Variants in PCDHGC4 observed in about 807,000 individuals in gnomAD.
The protein encoded by PCDHGC4 is protocadherin gamma-C4.
Under a neutral mutation model 59.7 loss-of-function variants are expected in PCDHGC4, and 15 were observed. That is an observed-to-expected ratio of 0.25 (90% CI 0.17 to 0.39). The LOEUF (loss-of-function observed/expected upper bound fraction) is 0.39. PCDHGC4 is among the 10% of genes least tolerant of loss of function. The pLI is 1.00. For missense variants in PCDHGC4, 1,016 were observed against 1,189.5 expected, an observed-to-expected ratio of 0.85 and a Z score of 2.15; for synonymous variants, 434 against 481.4, an observed-to-expected ratio of 0.90 and a Z score of 1.29.
intron 1 of PCDHGC4, chr5:141,492,023 C>T: frequency 1.8e-6 from 1 of 564,804 alleles, no homozygotes; most frequent in Non-Finnish European, 3.0e-6. Context: ...TCGGGGGTCC[C>T]GGGAGGAGGC....
In PCDHGC4 at chr5:141,489,183, G is replaced by A. The variant is rs2099683673; in HGVS notation, c.2442+1568G>A. 7.9e-7 allele frequency: 1 copy of A among 1,270,400 alleles called. No individual in the cohort carries two copies. Among genetic ancestry groups the A allele is most frequent in the Non-Finnish European group, 1.1e-6 (1 of 913,958 alleles). The allele number at this position is 1,270,400 out of a possible 1,614,324, so 78.7% of individuals were successfully genotyped here. A position where few individuals can be genotyped will look rare whatever the true frequency, so the allele number is the denominator to read the frequency against. ...TTCAGCTGCTGCATTCCAAGCCCTGGGTCTACCTTGGAGACAGGACAGCAC... is the reference window on the plus strand; with the variant it reads ...TTCAGCTGCTGCATTCCAAGCCCTGAGTCTACCTTGGAGACAGGACAGCAC... On this transcript the variant is annotated intron_variant, in intron 1 of 3. Transcript: ENST00000306593. The surrounding 1 kb of genome is among the most constrained non-coding windows in gnomAD (Gnocchi z 4.5).
rs919100488 is a variant in PCDHGC4 at position 141,511,573 on chromosome 5, G to A, written c.*400G>A. On this transcript the variant is annotated 3_prime_UTR_variant, in exon 4 of 4. Transcript: ENST00000306593. ...ACAGTTCCTCTTTCCCGAGTAAGGT[G>A]GTTGGGGTGTTGAAGTACCAAGTAA... 1.1e-4 allele frequency: 33 copies of A among 288,248 alleles called. No individual in the cohort carries two copies. Among genetic ancestry groups the A allele is most frequent in the African/African-American group, 7.1e-4 (33 of 46,356 alleles). The allele number at this position is 288,248 out of a possible 1,614,324, so 17.9% of individuals were successfully genotyped here.
intron 2 of PCDHGC4, among the ~76,000 whole-genome samples, chr5:141,497,920 C>T (rs548251626): frequency 6.6e-6 from 1 of 152,336 alleles, no homozygotes; most frequent in East Asian, 1.9e-4. Flanking sequence ...CTCCTTCATT[C>T]ATTCAACAAA....
At position 141,487,448 on chromosome 5, in the gene PCDHGC4, C is replaced by T; in HGVS notation, c.2275C>T (p.Pro759Ser). The stretch of plus-strand genomic sequence containing the variant: ...CCGAATCCAGCTAGGGTCAGATGAC[C>T]CTATCAAGTTTGTTGATGTGGGAGG... ...ILRIQLGSDD[P>S]IKFVDVGGHS... Residue 759 changes from proline (P) to serine (S), a missense_variant, in exon 1 of 4, where the codon CCT (proline) becomes TCT (serine). Pro to Ser is a moderately conservative substitution (Grantham distance 74). Coordinates refer to ENST00000306593, the MANE Select transcript of PCDHGC4 (RefSeq NM_018928.3). The surrounding 1 kb of genome is among the most constrained non-coding windows in gnomAD (Gnocchi z 5.0). 6.8e-6 allele frequency: 11 copies of T among 1,614,146 alleles called. No individual in the cohort carries two copies. The highest frequency in any genetic ancestry group is 9.3e-6 in the Non-Finnish European group (11 of 1,180,028).
In PCDHGC4 at chr5:141,491,341, G is replaced by C. The variant is rs775712620; in HGVS notation, c.2443-3466G>C. ...TTACCTCATTGTGGCTCTAGCGACC[G>C]TCAGTCTCTTATCCCTAGTCACCTT... On this transcript the variant is annotated intron_variant, in intron 1 of 3. Transcript: ENST00000306593. This position sits in a 1 kb window ranked among gnomAD's most constrained non-coding sequence, Gnocchi z 6.9. 10 of 1,614,100 alleles carry C rather than the reference G, an allele frequency of 6.2e-6. No homozygotes were observed. In the East Asian group the frequency reaches 8.9e-5, roughly 14 times the overall value.
Position 141,491,815 on chromosome 5 carries a change from C to T in PCDHGC4, c.2443-2992C>T. The T allele has an allele frequency of 6.7e-7, 1 of 1,485,264 alleles. No individual in the cohort carries two copies. Among genetic ancestry groups the T allele is most frequent in the African/African-American group, 1.4e-5 (1 of 70,622 alleles). The allele number at this position is 1,485,264 out of a possible 1,614,324, so 92.0% of individuals were successfully genotyped here. ...CCTCTCCGGCCGGCTTGGTCGCTGGCTGCGCTCCACCCGATTCTCGGGATC... is the reference window on the plus strand; with the variant it reads ...CCTCTCCGGCCGGCTTGGTCGCTGGTTGCGCTCCACCCGATTCTCGGGATC... On this transcript the variant is annotated intron_variant, in intron 1 of 3. Coordinates refer to ENST00000306593, the MANE Select transcript of PCDHGC4 (RefSeq NM_018928.3). This position sits in a 1 kb window ranked among gnomAD's most constrained non-coding sequence, Gnocchi z 6.9.
chr5:141,491,938 C>A lies in PCDHGC4; in HGVS notation c.2443-2869C>A, dbSNP rs1207647899. Reference sequence around the variant, plus strand: ...TGTGGGCGAGGGGAGGTGGGACCGACCCCCACCCCTACACTCAAAAAAGGC... The same window carrying A: ...TGTGGGCGAGGGGAGGTGGGACCGAACCCCACCCCTACACTCAAAAAAGGC... On this transcript the variant is annotated intron_variant, in intron 1 of 3. Transcript: ENST00000306593. This position sits in a 1 kb window ranked among gnomAD's most constrained non-coding sequence, Gnocchi z 6.9. 1.7e-6 allele frequency: 2 copies of A among 1,199,072 alleles called. No homozygotes were observed. The highest frequency in any genetic ancestry group is 3.1e-5 in the Admixed American group (1 of 32,246). The allele number at this position is 1,199,072 out of a possible 1,614,324, so 74.3% of individuals were successfully genotyped here. A position where few individuals can be genotyped will look rare whatever the true frequency, so the allele number is the denominator to read the frequency against.
In PCDHGC4 at chr5:141,485,219, A is replaced by C. The variant is rs954128321; in HGVS notation, c.46A>C (p.Thr16Pro). 20 of 1,613,930 alleles carry C rather than the reference A, an allele frequency of 1.2e-5. No individual in the cohort carries two copies. The highest frequency in any genetic ancestry group is 1.6e-5 in the Non-Finnish European group (19 of 1,179,944). The change falls in exon 1 of 4, where the codon ACC (threonine) becomes CCC (proline). Residue 16 changes from threonine to proline, a missense_variant. Coordinates refer to ENST00000306593, the MANE Select transcript of PCDHGC4 (RefSeq NM_018928.3). The surrounding 1 kb of genome is among the most constrained non-coding windows in gnomAD (Gnocchi z 5.7). ...RSWTEIWRWA[T>P]LLFLFYHLGY... The stretch of plus-strand genomic sequence containing the variant: ...CTGGACAGAAATCTGGCGGTGGGCT[A>C]CCCTTTTGTTCCTCTTTTACCACCT...
At chr5:141,488,157 C>T (rs565677003) in intron 1 of PCDHGC4, among the ~76,000 whole-genome samples, 2 of 152,216 alleles carry the variant, frequency 1.3e-5, no homozygotes, top group South Asian at 2.1e-4. Context: ...TAGAGAGGCA[C>T]GCATCAGAGT....
At chr5:141,494,733 C>G in intron 1 of PCDHGC4, 74 bp from the exon 2 acceptor site, 1 of 1,610,826 alleles carries the variant, frequency 6.2e-7, no homozygotes, top group South Asian at 1.1e-5. Flanking sequence ...CTCTCCCGGC[C>G]CATCCCTAGG....
At chr5:141,488,348 C>T (rs1231687770) in intron 1 of PCDHGC4, among the ~76,000 whole-genome samples, 1 of 152,106 alleles carries the variant, frequency 6.6e-6, no homozygotes, top group Non-Finnish European at 1.5e-5. Flanking sequence ...TAGAAACAGC[C>T]ACCCTGTGCA....
rs1338955892 is a variant in PCDHGC4, at chr5:141,502,521, T to C, written c.2502-2872T>C. 5.9e-5 allele frequency among the ~76,000 whole-genome samples: 9 copies of C among 152,338 alleles called. No homozygotes were observed. In the East Asian group the frequency reaches 1.7e-3, roughly 29 times the overall value. The stretch of plus-strand genomic sequence containing the variant: ...CGTCGGCCTGTCCCACTATCAGTGA[T>C]GCCGAGTTTGTTCGTGTGGTAAAAA... On this transcript the variant is annotated intron_variant, in intron 2 of 3. Transcript: ENST00000306593.
At chr5:141,500,094 A>C (rs2099796337) in intron 2 of PCDHGC4, among the ~76,000 whole-genome samples, 1 of 151,860 alleles carries the variant, frequency 6.6e-6, no homozygotes, top group South Asian at 2.1e-4. Context: ...CCATTTTTGC[A>C]ATTTATTTGT....
Position 141,485,244 on chromosome 5 carries a change from T to G in PCDHGC4, c.71T>G (p.Leu24Arg). 5 of 1,614,168 alleles carry G rather than the reference T, an allele frequency of 3.1e-6. No individual in the cohort carries two copies. Among genetic ancestry groups the G allele is most frequent in the Non-Finnish European group, 4.2e-6 (5 of 1,180,006 alleles). Residue 24 changes from leucine to arginine, a missense_variant, in exon 1 of 4, where the codon CTG (leucine) becomes CGG (arginine). By Grantham distance (102) the Leu-to-Arg change is moderately radical. Transcript: ENST00000306593. This position sits in a 1 kb window ranked among gnomAD's most constrained non-coding sequence, Gnocchi z 5.7. Reference sequence around the variant, plus strand: ...ACCCTTTTGTTCCTCTTTTACCACCTGGGTTACGTTTGTGGGCAGATCCGC... The same window carrying G: ...ACCCTTTTGTTCCTCTTTTACCACCGGGGTTACGTTTGTGGGCAGATCCGC... The part of the protein sequence containing the change: ...WATLLFLFYH[L>R]GYVCGQIRYP...
At chr5:141,500,450 C>A (rs2099800340) in intron 2 of PCDHGC4, among the ~76,000 whole-genome samples, 1 of 152,072 alleles carries the variant, frequency 6.6e-6, no homozygotes, top group Non-Finnish European at 1.5e-5. Flanking sequence ...ACCTCGTGAT[C>A]CGCCCGCCTC....
At position 141,505,479 on chromosome 5, in the gene PCDHGC4, G is replaced by A; in HGVS notation, c.2588G>A (p.Ser863Asn). 1 of 1,614,228 alleles carries A rather than the reference G, an allele frequency of 6.2e-7. No homozygotes were observed. The highest frequency in any genetic ancestry group is 8.5e-7 in the Non-Finnish European group (1 of 1,180,018). Residue 863 changes from serine to asparagine, a missense_variant and splice_region_variant, in exon 3 of 4, where the codon AGT (serine) becomes AAT (asparagine). Ser to Asn is a conservative substitution (Grantham distance 46, BLOSUM62 1). Coordinates refer to ENST00000306593, the MANE Select transcript of PCDHGC4 (RefSeq NM_018928.3). Reference sequence around the variant, plus strand: ...CAAGCCATGATCTTGGCGTCCGCCAGTGGTAAGTGGTGTCAGTGTGTGTAT... The same window carrying A: ...CAAGCCATGATCTTGGCGTCCGCCAATGGTAAGTGGTGTCAGTGTGTGTAT... Reference protein sequence around the residue: ...MLQAMILASASEAADGSSTLG... With the variant: ...MLQAMILASANEAADGSSTLG...
At chr5:141,501,716 A>G (rs2099810687) in intron 2 of PCDHGC4, among the ~76,000 whole-genome samples, 1 of 152,160 alleles carries the variant, frequency 6.6e-6, no homozygotes, top group African/African-American at 2.4e-5. Flanking sequence ...TAAAAAAGAC[A>G]AATATATTAC....
At position 141,486,996 on chromosome 5, in the gene PCDHGC4, A is replaced by G; in HGVS notation, c.1823A>G (p.Tyr608Cys). ...TCAGGTTACAATGCTTGGGTTTCCT[A>G]TCAGCTCCTGGAGGCCCCAGATCCC... ...LDSGYNAWVS[Y>C]QLLEAPDPSL... The change falls in exon 1 of 4, where the codon TAT (tyrosine) becomes TGT (cysteine). Residue 608 changes from tyrosine (Y) to cysteine (C), a missense_variant. By Grantham distance (194) the Tyr-to-Cys change is radical. Coordinates refer to ENST00000306593, the MANE Select transcript of PCDHGC4 (RefSeq NM_018928.3). This position sits in a 1 kb window ranked among gnomAD's most constrained non-coding sequence, Gnocchi z 5.0. 6.2e-7 allele frequency: 1 copy of G among 1,614,152 alleles called. No individual in the cohort carries two copies. Among genetic ancestry groups the G allele is most frequent in the Non-Finnish European group, 8.5e-7 (1 of 1,180,032 alleles).
rs151239937 is a variant in PCDHGC4, at chr5:141,485,980, G to A, written c.807G>A (p.Pro269=). 1.9e-6 allele frequency: 3 copies of A among 1,614,020 alleles called. No homozygotes were observed. The highest frequency in any genetic ancestry group is 2.5e-6 in the Non-Finnish European group (3 of 1,180,004). ...MVLIQLNASD[P]DLGPSGNVTF... Reference sequence around the variant, plus strand: ...TCATCCAGCTCAATGCCTCAGACCCGGACCTGGGTCCCAGTGGTAACGTCA... The same window carrying A: ...TCATCCAGCTCAATGCCTCAGACCCAGACCTGGGTCCCAGTGGTAACGTCA... Residue 269 remains proline (P), a synonymous_variant, in exon 1 of 4, where the codon CCG becomes CCA. Coordinates refer to ENST00000306593, the MANE Select transcript of PCDHGC4 (RefSeq NM_018928.3). The surrounding 1 kb of genome is among the most constrained non-coding windows in gnomAD (Gnocchi z 5.7).
Sources: gnomAD v4.1 joint callset for allele counts (sites outside exome capture counted in the v4.1 genomes callset) on GRCh38, gnomAD v4.1.1 for gene constraint, Gnocchi (gnomAD v3.1) non-coding constraint, MANE v1.5 for transcripts, NCBI Gene and HGNC (gene_info 2026-07-23, HGNC 2026-07-21) for gene names.